Variants in PTPRN2 observed in about 807,000 individuals in gnomAD.
PTPRN2 encodes protein tyrosine phosphatase receptor type N2.
PTPRN2 carries 74 observed loss-of-function variants against 118.8 expected under a neutral mutation model. The observed-to-expected ratio is 0.62, with a 90% CI of 0.52 to 0.76. The LOEUF (loss-of-function observed/expected upper bound fraction) is 0.76, where lower values mean the gene tolerates loss of function less well. Among genes scored for constraint, PTPRN2 ranks in the 30% least tolerant of loss-of-function variants. The probability of loss-of-function intolerance (pLI) is 0.00; values close to 1 mark genes in which losing one functional copy is unlikely to be tolerated. For synonymous variants in PTPRN2, 641 were observed against 608.0 expected, an observed-to-expected ratio of 1.05 and a Z score of -0.80; for missense variants, 1,481 against 1,394.4, an observed-to-expected ratio of 1.06 and a Z score of -0.99.
chr7:158,351,920 C>G (rs1233309425), intron 2 of PTPRN2, among the ~76,000 whole-genome samples: 1 of 122,250 alleles, frequency 8.2e-6, no homozygotes, highest in African/African-American at 3.0e-5. Flanking sequence ...CTGTCCGCTC[C>G]CCTCCTGTCC....
At position 158,015,622 on chromosome 7, in the gene PTPRN2, T is replaced by G. The variant is rs1448467292; in HGVS notation, c.1723+65676A>C. On this transcript the variant is annotated intron_variant, in intron 11 of 22. Coordinates refer to ENST00000389418, the MANE Select transcript of PTPRN2 (RefSeq NM_002847.5). The surrounding 1 kb of genome is among the most constrained non-coding windows in gnomAD (Gnocchi z 4.2). ...GCCCTTTCTCTTTACTCACCAGCAG[T>G]TCATATTGTTAATTTTTAACTAAAG... is the stretch of plus-strand genomic sequence containing the variant. 6.6e-6 allele frequency among the ~76,000 whole-genome samples: 1 copy of G among 152,136 alleles called. No homozygotes were observed. The highest frequency in any genetic ancestry group is 1.5e-5 in the Non-Finnish European group (1 of 68,038).
chr7:158,352,794 C>A (rs1398238155), intron 2 of PTPRN2, among the ~76,000 whole-genome samples: 6 of 152,362 alleles, frequency 3.9e-5, no homozygotes, highest in African/African-American at 1.4e-4. Flanking sequence ...TCCCTTCAAT[C>A]TAAATGTTTC....
At chr7:157,958,132 A>G (rs1031896130) in intron 11 of PTPRN2, among the ~76,000 whole-genome samples, 4 of 152,200 alleles carry the variant, frequency 2.6e-5, no homozygotes, top group Admixed American at 2.6e-4. Flanking sequence ...CCACTAACAG[A>G]ATGAAGGAAA....
chr7:158,273,111 G>A (rs1350733476), intron 3 of PTPRN2, among the ~76,000 whole-genome samples: 1 of 144,894 alleles, frequency 6.9e-6, no homozygotes, highest in Non-Finnish European at 1.5e-5. Flanking sequence ...GTGGGACGAA[G>A]GGGAGAGAGG....
intron 11 of PTPRN2, among the ~76,000 whole-genome samples, chr7:157,962,883 T>C (rs188364130): frequency 6.6e-6 from 1 of 152,308 alleles, no homozygotes; most frequent in East Asian, 1.9e-4. Flanking sequence ...TTCCCCACTA[T>C]TTGGATAACC....
rs144804723 is a variant in PTPRN2, at chr7:158,472,954, A to G, written c.163+16781T>C. ...AATGCTGGTGGTTAAGCATTTGCCC[A>G]CACTGCACTGCTGAGCCACTGAGAT... is the stretch of plus-strand genomic sequence containing the variant. On this transcript the variant is annotated intron_variant, in intron 2 of 22. Transcript: ENST00000389418. Among the ~76,000 whole-genome samples, 1,191 of 151,932 alleles carry G rather than the reference A, an allele frequency of 7.8e-3. 4 individuals carry two copies. Among genetic ancestry groups the G allele is most frequent in the Non-Finnish European group, 0.013 (860 of 67,984 alleles).
At chr7:158,409,281 T>C (rs1364462694) in intron 2 of PTPRN2, among the ~76,000 whole-genome samples, 1 of 152,190 alleles carries the variant, frequency 6.6e-6, no homozygotes, top group Non-Finnish European at 1.5e-5. Context: ...CCATTGCCTG[T>C]GTTCAGGGCT....
intron 4 of PTPRN2, 126 bp from the exon 5 acceptor site, chr7:158,192,621 T>C (rs1220434270): frequency 9.1e-7 from 1 of 1,096,882 alleles, no homozygotes; most frequent in Non-Finnish European, 1.3e-6. Context: ...CGGCCTGGCC[T>C]TGCTGCTCCA....
chr7:157,548,870 C>A, intron 22 of PTPRN2, 76 bp downstream of exon 22: 1 of 1,405,722 alleles, frequency 7.1e-7, no homozygotes. Context: ...AGGCCCTCCC[C>A]GTGCTCCTCT....
chr7:158,124,425 G>A (rs900852502), intron 9 of PTPRN2, among the ~76,000 whole-genome samples: 4 of 152,254 alleles, frequency 2.6e-5, no homozygotes, highest in African/African-American at 7.2e-5. Flanking sequence ...TAAAAGGACA[G>A]CGGTGAAGGG....
intron 21 of PTPRN2, among the ~76,000 whole-genome samples, chr7:157,557,380 A>G (rs1350803741): frequency 1.3e-5 from 2 of 152,012 alleles, no homozygotes; most frequent in African/African-American, 2.4e-5. Flanking sequence ...ACACACATAC[A>G]TCATACACAT....
intron 11 of PTPRN2, among the ~76,000 whole-genome samples, chr7:158,060,538 G>C (rs1388358650): frequency 1.3e-5 from 2 of 152,230 alleles, no homozygotes; most frequent in Non-Finnish European, 2.9e-5. Flanking sequence ...AGTCATGTTG[G>C]ATTGGGACCC....
At chr7:158,407,649 GTCCTGCA>G (rs571493511) in intron 2 of PTPRN2, among the ~76,000 whole-genome samples, 28,379 of 73,806 alleles carry the variant, frequency 0.38, 10,093 homozygotes, top group East Asian at 0.79. Flanking sequence ...TGGGTCCTGG[GTCCTGCA>G]TCCTGCGTCC....
At chr7:158,489,859 C>T (rs1278649645) in intron 1 of PTPRN2, 74 bp from the exon 2 acceptor site, 2 of 1,384,916 alleles carry the variant, frequency 1.4e-6, no homozygotes, top group Non-Finnish European at 2.0e-6. Context: ...GCCTTCCTGG[C>T]CCCCTGGTGA....
chr7:158,543,668 C>T (rs978459821), intron 1 of PTPRN2, among the ~76,000 whole-genome samples: 1 of 152,184 alleles, frequency 6.6e-6, no homozygotes, highest in African/African-American at 2.4e-5. Context: ...ATGTGTGAGG[C>T]CTCGTTGAAC....
chr7:158,475,839 G>A (rs1434306660), intron 2 of PTPRN2, among the ~76,000 whole-genome samples: 2 of 152,176 alleles, frequency 1.3e-5, no homozygotes, highest in African/African-American at 2.4e-5. Context: ...GCAGTCTCAC[G>A]GGGAAGAAGT....
chr7:157,938,941 C>A (rs917428783), intron 11 of PTPRN2, among the ~76,000 whole-genome samples: 1 of 152,176 alleles, frequency 6.6e-6, no homozygotes, highest in Non-Finnish European at 1.5e-5. Flanking sequence ...AGCATCAGAG[C>A]AAACTTCTTG....
chr7:158,111,597 A>G (rs1816278369), intron 9 of PTPRN2, among the ~76,000 whole-genome samples: 1 of 152,226 alleles, frequency 6.6e-6, no homozygotes, highest in Non-Finnish European at 1.5e-5. Flanking sequence ...TTACAATATT[A>G]TGTAAAAGCA....
chr7:157,838,462 T>C (rs1311520358), intron 12 of PTPRN2, among the ~76,000 whole-genome samples: 10 of 92,804 alleles, frequency 1.1e-4, no homozygotes, highest in Non-Finnish European at 2.0e-4. Flanking sequence ...GTTCCTCTCA[T>C]AGTGGATGGC....
Sources: gnomAD v4.1 joint callset for allele counts (sites outside exome capture counted in the v4.1 genomes callset) on GRCh38, gnomAD v4.1.1 for gene constraint, Gnocchi (gnomAD v3.1) non-coding constraint, MANE v1.5 for transcripts, NCBI Gene and HGNC (gene_info 2026-07-23, HGNC 2026-07-21) for gene names.